Variants in ANKRD13C observed in about 807,000 individuals in gnomAD.
ANKRD13C encodes ankyrin repeat domain-containing protein 13C.
A neutral mutation model predicts 65.5 loss-of-function variants in ANKRD13C; 16 were observed. The observed-to-expected ratio is 0.24, with a 90% confidence interval of 0.17 to 0.37. The LOEUF is 0.37. Among genes scored for constraint, ANKRD13C ranks in the 10% least tolerant of loss-of-function variants. The pLI is 1.00. For missense variants in ANKRD13C, 503 were observed against 655.9 expected, an observed-to-expected ratio of 0.77 and a Z score of 2.55; for synonymous variants, 235 against 238.7, an observed-to-expected ratio of 0.98 and a Z score of 0.14.
chr1:70,329,140 GA>G (rs1374168228), intron 2 of ANKRD13C, among the ~76,000 whole-genome samples: 1 of 150,292 alleles, frequency 6.7e-6, no homozygotes, highest in African/African-American at 2.4e-5. Context: ...ACTACATCAA[GA>G]AAAAAAAAGT....
At chr1:70,274,353 A>C (rs369476670) in intron 11 of ANKRD13C, among the ~76,000 whole-genome samples, 34 of 151,620 alleles carry the variant, frequency 2.2e-4, no homozygotes, top group African/African-American at 8.0e-4. Flanking sequence ...GGGCACCTAT[A>C]ATCCCAGCTA....
chr1:70,312,333 T>C (rs1050321389), intron 5 of ANKRD13C, among the ~76,000 whole-genome samples: 3 of 151,860 alleles, frequency 2.0e-5, no homozygotes, highest in East Asian at 1.9e-4. Context: ...TGACCTCCCA[T>C]AGACTAGGCC....
chr1:70,339,166 CG>C (rs1370433799), intron 1 of ANKRD13C, among the ~76,000 whole-genome samples: 1 of 147,800 alleles, frequency 6.8e-6, no homozygotes, highest in Non-Finnish European at 1.5e-5. Context: ...GCCGAGATGG[CG>C]GCATTGCACT....
At chr1:70,332,015 G>T (rs1681830305) in intron 2 of ANKRD13C, among the ~76,000 whole-genome samples, 1 of 151,880 alleles carries the variant, frequency 6.6e-6, no homozygotes, top group Non-Finnish European at 1.5e-5. Context: ...GCAAAAAAAG[G>T]GTGCACAACT....
chr1:70,309,448 G>A lies in ANKRD13C; in HGVS notation c.710-3158C>T, dbSNP rs138561690. On this transcript the variant is annotated intron_variant, in intron 5 of 12. Coordinates refer to ENST00000370944, the MANE Select transcript of ANKRD13C (RefSeq NM_030816.5). ...ATATACAAATAATAGGCCGGGCGCGGTGGCTCAAGCCTGTAATCCCAGCAC... is the reference window on the plus strand; with the variant it reads ...ATATACAAATAATAGGCCGGGCGCGATGGCTCAAGCCTGTAATCCCAGCAC... 5.3e-3 allele frequency among the ~76,000 whole-genome samples: 791 copies of A among 150,468 alleles called. 5 individuals are homozygous for A. The highest frequency in any genetic ancestry group is 0.018 in the African/African-American group (730 of 41,218).
chr1:70,321,402 T>C (rs918475973), intron 3 of ANKRD13C, among the ~76,000 whole-genome samples: 8 of 152,236 alleles, frequency 5.3e-5, no homozygotes, highest in South Asian at 2.1e-4. Flanking sequence ...TGAAGACTTC[T>C]AGTTCAATGT....
chr1:70,335,051 GA>G (rs1291584001), intron 2 of ANKRD13C, among the ~76,000 whole-genome samples: 2 of 150,538 alleles, frequency 1.3e-5, no homozygotes, highest in African/African-American at 2.4e-5. Context: ...CTAGATCATT[GA>G]AAAAAAAATC....
chr1:70,301,178 C>CATATAT (rs3839011), intron 6 of ANKRD13C, among the ~76,000 whole-genome samples: 2 of 148,748 alleles, frequency 1.3e-5, no homozygotes, highest in African/African-American at 2.5e-5. Context: ...TATACACACA[C>CATATAT]ATATATATAT....
intron 7 of ANKRD13C, among the ~76,000 whole-genome samples, chr1:70,300,029 G>A (rs556892536): frequency 1.3e-5 from 2 of 152,138 alleles, no homozygotes; most frequent in Non-Finnish European, 2.9e-5. Context: ...AGGAAAGGTA[G>A]CCAAAGAGTT....
At chr1:70,287,771 C>G (rs1044165483) in intron 9 of ANKRD13C, among the ~76,000 whole-genome samples, 1 of 152,062 alleles carries the variant, frequency 6.6e-6, no homozygotes, top group African/African-American at 2.4e-5. Context: ...CTTTGGGAAG[C>G]TGAGGTAGGA....
At position 70,311,836 on chromosome 1, in the gene ANKRD13C, A is replaced by G. The variant is rs573397989; in HGVS notation, c.709+1909T>C. Among the ~76,000 whole-genome samples, 176 of 152,340 alleles carry G rather than the reference A, an allele frequency of 1.2e-3. 1 individual carries two copies. The highest frequency in any genetic ancestry group is 6.8e-3 in the Middle Eastern group (2 of 294). The stretch of plus-strand genomic sequence containing the variant: ...TAATACAATTTTTAGAAATGTATAC[A>G]GATGTTATAAAATCAATGTTTAAAA... On this transcript the variant is annotated intron_variant, in intron 5 of 12. Coordinates refer to ENST00000370944, the MANE Select transcript of ANKRD13C (RefSeq NM_030816.5).
In ANKRD13C at chr1:70,300,920, G is replaced by A; in HGVS notation, c.777-12C>T. ...GAGTTGTGTCAAGCCTGTGAAACATGGGTAGATGATAAACTCTGACAAATA... is the reference window on the plus strand; with the variant it reads ...GAGTTGTGTCAAGCCTGTGAAACATAGGTAGATGATAAACTCTGACAAATA... On this transcript the variant is annotated splice_polypyrimidine_tract_variant and intron_variant, in intron 6 of 12. Coordinates refer to ENST00000370944, the MANE Select transcript of ANKRD13C (RefSeq NM_030816.5). The A allele has an allele frequency of 1.2e-6, 2 of 1,600,314 alleles. No homozygotes were observed. Among genetic ancestry groups the A allele is most frequent in the Non-Finnish European group, 1.7e-6 (2 of 1,175,982 alleles).
rs1680076533 is a variant in ANKRD13C at position 70,296,209 on chromosome 1, A to G, written c.974T>C (p.Ile325Thr). The G allele has an allele frequency of 6.2e-7, 1 of 1,613,914 alleles. No individual in the cohort carries two copies. ...EEVDILMSSD[I>T]YSATLSTKSI... ...TTTTGTTGATAAAGTTGCAGAGTAA[A>G]TATCACTGCTCATTAAAATATCCAC... Residue 325 changes from isoleucine to threonine, a missense_variant, in exon 8 of 13, where the codon ATT (isoleucine) becomes ACT (threonine). This residue lies in a region of ANKRD13C where 300 missense variants were observed against 478.3 expected (regional missense o/e 0.63). Transcript: ENST00000370944.
At chr1:70,293,283 TA>T (rs150555466) in intron 8 of ANKRD13C, among the ~76,000 whole-genome samples, 30 of 146,980 alleles carry the variant, frequency 2.0e-4, no homozygotes, top group African/African-American at 3.7e-4. Flanking sequence ...ATACCTTACT[TA>T]AAAAAAAAAC....
chr1:70,284,959 T>C (rs1679551721), intron 9 of ANKRD13C, among the ~76,000 whole-genome samples: 1 of 152,168 alleles, frequency 6.6e-6, no homozygotes, highest in Admixed American at 6.5e-5. Flanking sequence ...AAATTGAGCT[T>C]ATGGCACTCA....
intron 1 of ANKRD13C, among the ~76,000 whole-genome samples, chr1:70,341,123 T>C (rs1014406069): frequency 6.6e-6 from 1 of 152,080 alleles, no homozygotes; most frequent in Admixed American, 6.6e-5. Context: ...AAACAACTAT[T>C]GGGATATTAA....
intron 2 of ANKRD13C, among the ~76,000 whole-genome samples, chr1:70,332,654 T>C (rs1681863405): frequency 6.6e-6 from 1 of 151,996 alleles, no homozygotes; most frequent in Non-Finnish European, 1.5e-5. Flanking sequence ...TTAGTAGAGA[T>C]GGGGTCTTGC....
chr1:70,280,865 T>A (rs1679356382), intron 9 of ANKRD13C, among the ~76,000 whole-genome samples: 1 of 152,030 alleles, frequency 6.6e-6, no homozygotes, highest in African/African-American at 2.4e-5. Flanking sequence ...ATCTCAGTAA[T>A]CCAAATGAGA....
At chr1:70,334,963 C>T (rs1681956406) in intron 2 of ANKRD13C, among the ~76,000 whole-genome samples, 1 of 151,494 alleles carries the variant, frequency 6.6e-6, no homozygotes, top group Non-Finnish European at 1.5e-5. Flanking sequence ...ATCCCTAGGC[C>T]CATACATTCA....
Sources: allele counts gnomAD v4.1 joint callset (sites outside exome capture counted in the v4.1 genomes callset), GRCh38; gene constraint gnomAD v4.1.1; regional missense constraint gnomAD v4.1.1; transcripts MANE v1.5; gene names NCBI Gene and HGNC (gene_info 2026-07-23, HGNC 2026-07-21).